The following TBC1D9 variants were observed in gnomAD, a reference collection of about 807,000 sequenced individuals.
The protein encoded by TBC1D9 is TBC1 domain family member 9, also known as TBC1 domain family member 9A.
In TBC1D9, 63 loss-of-function variants were observed where a neutral mutation model predicts 132.0. The ratio of observed to expected loss-of-function variants is 0.48; its 90% confidence interval spans 0.39 to 0.59. The LOEUF is 0.59. Ranked by LOEUF, TBC1D9 falls within the 20% of genes least tolerant of loss-of-function variation. The probability of loss-of-function intolerance (pLI) is 0.00; values close to 1 mark genes in which losing one functional copy is unlikely to be tolerated. For missense variants in TBC1D9, 1,261 were observed against 1,592.7 expected (o/e 0.79, Z 3.54); for synonymous variants, 610 against 609.9 (o/e 1.00, Z 0.00).
At chr4:140,650,843 C>T (rs867877594) in intron 13 of TBC1D9, among the ~76,000 whole-genome samples, 2 of 152,080 alleles carry the variant, frequency 1.3e-5, no homozygotes, top group Non-Finnish European at 1.5e-5. Flanking sequence ...CCTCTATTTT[C>T]TTTATATACA....
In TBC1D9 at chr4:140,679,735, C is replaced by T; in HGVS notation, c.469G>A (p.Glu157Lys). The T allele has an allele frequency of 4.3e-6, 7 of 1,613,798 alleles. No homozygotes were observed. The highest frequency in any genetic ancestry group is 5.1e-6 in the Non-Finnish European group (6 of 1,179,778). ...KFHRLFGMPE[E>K]EKLVNYYSCS... Reference sequence around the variant, plus strand: ...GAGTAATAGTTGACGAGTTTCTCTTCCTCTGGCATCCCAAACAGCCTATGA... The same window carrying T: ...GAGTAATAGTTGACGAGTTTCTCTTTCTCTGGCATCCCAAACAGCCTATGA... Residue 157 changes from glutamate to lysine, a missense_variant, in exon 4 of 21, where the codon GAA becomes AAA. Coordinates refer to ENST00000442267, the MANE Select transcript of TBC1D9 (RefSeq NM_015130.3).
intron 13 of TBC1D9, among the ~76,000 whole-genome samples, chr4:140,649,414 A>G (rs1291632464): frequency 1.3e-5 from 2 of 152,370 alleles, no homozygotes; most frequent in Middle Eastern, 6.8e-3. Flanking sequence ...TGTTAGCAGA[A>G]GGCTGAGCAC....
intron 13 of TBC1D9, chr4:140,644,716 G>A (rs114040353): frequency 8.0e-5 from 33 of 410,636 alleles, no homozygotes; most frequent in Non-Finnish European, 1.3e-4. Context: ...GTGCTGCAGC[G>A]AAAAGAGCTG....
At chr4:140,705,095 T>C (rs976419256) in intron 1 of TBC1D9, among the ~76,000 whole-genome samples, 1 of 152,144 alleles carries the variant, frequency 6.6e-6, no homozygotes, top group Non-Finnish European at 1.5e-5. Flanking sequence ...CAGAAAGTAA[T>C]ATTGTGAATT....
At chr4:140,729,049 T>C (rs1193763944) in intron 1 of TBC1D9, among the ~76,000 whole-genome samples, 3 of 152,164 alleles carry the variant, frequency 2.0e-5, no homozygotes, top group Non-Finnish European at 4.4e-5. Flanking sequence ...CTAGATCCTC[T>C]TGGCAATGCT....
At chr4:140,643,162 T>TG (rs1737036224) in intron 13 of TBC1D9, 1 of 1,439,850 alleles carries the variant, frequency 6.9e-7, no homozygotes, top group South Asian at 1.2e-5. Flanking sequence ...AGCATGTGGC[T>TG]GCCGGCTGCC....
At chr4:140,716,444 C>T (rs1392977605) in intron 1 of TBC1D9, among the ~76,000 whole-genome samples, 4 of 151,944 alleles carry the variant, frequency 2.6e-5, no homozygotes, top group South Asian at 2.1e-4. Context: ...GAGCCATGAT[C>T]GTGCCCCTGT....
At chr4:140,674,740 C>A (rs2111013714) in intron 6 of TBC1D9, among the ~76,000 whole-genome samples, 1 of 151,040 alleles carries the variant, frequency 6.6e-6, no homozygotes, top group Non-Finnish European at 1.5e-5. Flanking sequence ...GCTCTGTCAC[C>A]CAAGCTGGAG....
chr4:140,634,885 C>T (rs1736853868), intron 15 of TBC1D9, among the ~76,000 whole-genome samples: 1 of 152,130 alleles, frequency 6.6e-6, no homozygotes, highest in South Asian at 2.1e-4. Context: ...GAATAGAGAT[C>T]CAGACCCAGC....
At chr4:140,702,688 C>T (rs541609185) in intron 1 of TBC1D9, among the ~76,000 whole-genome samples, 43 of 152,236 alleles carry the variant, frequency 2.8e-4, no homozygotes, top group Non-Finnish European at 4.0e-4. Context: ...CACACTGAAG[C>T]GGGATTGGCA....
intron 13 of TBC1D9, among the ~76,000 whole-genome samples, chr4:140,646,761 G>A (rs1381830252): frequency 6.6e-6 from 1 of 152,204 alleles, no homozygotes; most frequent in Admixed American, 6.5e-5. Flanking sequence ...TGTTCCACCA[G>A]CAATGTGGTG....
intron 6 of TBC1D9, 59 bp downstream of exon 6, chr4:140,676,835 T>G: frequency 6.3e-7 from 1 of 1,582,824 alleles, no homozygotes; most frequent in Non-Finnish European, 8.6e-7. Context: ...TTATTCCTGG[T>G]TCACCCAGAA....
rs1293000531 is a variant in TBC1D9 at position 140,677,074 on chromosome 4, C to G, written c.879G>C (p.Glu293Asp). ...KRDLDARAKS[E>D]RYRALFRLPK... is the part of the protein sequence containing the mutation. ...GCAGCCGGAAAAGTGCACGGTATCTCTCACTCTTTGCCCTGGCATCAAGAT... is the reference window on the plus strand; with the variant it reads ...GCAGCCGGAAAAGTGCACGGTATCTGTCACTCTTTGCCCTGGCATCAAGAT... Residue 293 changes from glutamate to aspartate, a missense_variant, in exon 6 of 21, where the codon GAG (glutamate) becomes GAC (aspartate). By Grantham distance (45) the Glu-to-Asp change is conservative. Coordinates refer to ENST00000442267, the MANE Select transcript of TBC1D9 (RefSeq NM_015130.3). 5 of 1,613,790 alleles carry G rather than the reference C, an allele frequency of 3.1e-6. No individual in the cohort carries two copies. In the African/African-American group the frequency reaches 5.3e-5, roughly 17 times the overall value.
chr4:140,754,160 A>T (rs958967068), intron 1 of TBC1D9, among the ~76,000 whole-genome samples: 1 of 152,242 alleles, frequency 6.6e-6, no homozygotes, highest in Non-Finnish European at 1.5e-5. Flanking sequence ...TTAAGCAGAA[A>T]AAGAAGGCTC....
intron 9 of TBC1D9, among the ~76,000 whole-genome samples, chr4:140,666,986 C>T (rs1001067022): frequency 3.3e-5 from 5 of 152,184 alleles, no homozygotes; most frequent in African/African-American, 4.8e-5. Context: ...AGGGACATAA[C>T]GCTGGCTTTT....
intron 2 of TBC1D9, among the ~76,000 whole-genome samples, chr4:140,689,621 T>C (rs1578841978): frequency 3.4e-5 from 1 of 29,056 alleles, no homozygotes; most frequent in Non-Finnish European, 6.5e-5. Context: ...TCCCCTCCTC[T>C]CCCTTCCCTC....
At chr4:140,753,147 T>G (rs1350402247) in intron 1 of TBC1D9, among the ~76,000 whole-genome samples, 20 of 152,190 alleles carry the variant, frequency 1.3e-4, no homozygotes, top group Non-Finnish European at 4.4e-5. Context: ...ACCAACATCA[T>G]GTTCCTCTTC....
intron 9 of TBC1D9, among the ~76,000 whole-genome samples, chr4:140,664,810 A>T (rs1253388462): frequency 6.6e-6 from 1 of 152,166 alleles, no homozygotes. Flanking sequence ...CTCACACCAC[A>T]TAAAAAATTA....
chr4:140,712,865 T>C (rs1427188495), intron 1 of TBC1D9, among the ~76,000 whole-genome samples: 3 of 152,142 alleles, frequency 2.0e-5, no homozygotes, highest in Admixed American at 2.0e-4. Context: ...GTCGGGCTGC[T>C]ATTTCTCATG....
Sources: gnomAD v4.1 joint callset for allele counts (sites outside exome capture counted in the v4.1 genomes callset) on GRCh38, gnomAD v4.1.1 for gene constraint, MANE v1.5 for transcripts, NCBI Gene and HGNC (gene_info 2026-07-23, HGNC 2026-07-21) for gene names.